TASP1: variants seen among roughly 807,000 people sequenced by gnomAD.
TASP1 encodes the protein threonine aspartase 1.
TASP1 carries 16 observed loss-of-function variants against 56.6 expected under a neutral mutation model. The ratio of observed to expected loss-of-function variants is 0.28; its 90% CI spans 0.19 to 0.43. TASP1 has a LOEUF of 0.43. TASP1 is among the 20% of genes least tolerant of loss of function. TASP1 has a pLI of 1.00. For synonymous variants in TASP1, 179 were observed against 184.2 expected, an observed-to-expected ratio of 0.97 and a Z score of 0.23; for missense variants, 393 against 511.6, an observed-to-expected ratio of 0.77 and a Z score of 2.24.
the TASP1 span, among the ~76,000 whole-genome samples, chr20:13,237,001 C>T: frequency 6.6e-6 from 1 of 152,176 alleles, no homozygotes; most frequent in Non-Finnish European, 1.5e-5. Flanking sequence ...GGACAGTGGC[C>T]CTCTTCTCAC....
chr20:13,364,037 T>A, the TASP1 span, among the ~76,000 whole-genome samples: 4 of 152,168 alleles, frequency 2.6e-5, no homozygotes, highest in African/African-American at 9.6e-5. Flanking sequence ...CAGATAAGGT[T>A]TGGGATATTT....
At chr20:13,542,393 C>A (rs1430946857) in intron 8 of TASP1, among the ~76,000 whole-genome samples, 2 of 152,094 alleles carry the variant, frequency 1.3e-5, no homozygotes, top group African/African-American at 4.8e-5. Context: ...AAAGTAAAAA[C>A]AGAGAAATCA....
the TASP1 span, among the ~76,000 whole-genome samples, chr20:13,254,732 G>C: frequency 6.6e-6 from 1 of 152,324 alleles, no homozygotes; most frequent in Admixed American, 6.5e-5. Context: ...ACACAGGTAA[G>C]GGCCAACACA....
chr20:13,594,962 A>G (rs1601381363), intron 4 of TASP1, among the ~76,000 whole-genome samples: 1 of 152,352 alleles, frequency 6.6e-6, no homozygotes, highest in East Asian at 1.9e-4. Flanking sequence ...AAAAATGTTA[A>G]GGGCAGCCAG....
chr20:13,350,516 C>T, the TASP1 span, among the ~76,000 whole-genome samples: 432 of 152,100 alleles, frequency 2.8e-3, 2 homozygotes, highest in African/African-American at 9.8e-3. Flanking sequence ...ATAATGAGAA[C>T]CATCACAATT....
At position 13,390,844 on chromosome 20, in the gene TASP1, G is replaced by C. The variant is rs1007216543; in HGVS notation, c.1171-392C>G. On this transcript the variant is annotated intron_variant, in intron 13 of 13. Coordinates refer to ENST00000337743, the MANE Select transcript of TASP1 (RefSeq NM_017714.3). Reference sequence around the variant, plus strand: ...TTGTATATGTTTTGTCTTCTAAACAGAGTAACTAAGGATACTTAATTCATG... The same window carrying C: ...TTGTATATGTTTTGTCTTCTAAACACAGTAACTAAGGATACTTAATTCATG... Among the ~76,000 whole-genome samples, 3 of 152,172 alleles carry C rather than the reference G, an allele frequency of 2.0e-5. No individual in the cohort carries two copies. The South Asian group carries it at 6.2e-4, about 31-fold the overall frequency.
chr20:13,454,675 A>G (rs769382312), intron 11 of TASP1, among the ~76,000 whole-genome samples: 22 of 152,140 alleles, frequency 1.4e-4, no homozygotes, highest in Admixed American at 4.6e-4. Context: ...TTGTCATTAC[A>G]TGATATCAAG....
chr20:13,454,913 A>T (rs2043770921), intron 11 of TASP1, among the ~76,000 whole-genome samples: 1 of 152,126 alleles, frequency 6.6e-6, no homozygotes, highest in Admixed American at 6.6e-5. Flanking sequence ...TACTAAATAA[A>T]GCCCTGAAAA....
At chr20:13,629,456 C>T (rs1198355582) in intron 2 of TASP1, among the ~76,000 whole-genome samples, 1 of 150,224 alleles carries the variant, frequency 6.7e-6, no homozygotes, top group African/African-American at 2.4e-5. Flanking sequence ...GGAATCAATA[C>T]AATTTTTTCA....
chr20:13,153,801 T>G, the TASP1 span, among the ~76,000 whole-genome samples: 1 of 152,150 alleles, frequency 6.6e-6, no homozygotes, highest in Non-Finnish European at 1.5e-5. Context: ...TCCACCTCCC[T>G]TCCTGCCTTC....
chr20:13,318,396 G>A, the TASP1 span, among the ~76,000 whole-genome samples: 2 of 152,162 alleles, frequency 1.3e-5, no homozygotes, highest in Non-Finnish European at 2.9e-5. Context: ...AAAATGGCGT[G>A]ACCACTTTGG....
At chr20:13,199,352 C>T in the TASP1 span, among the ~76,000 whole-genome samples, 1 of 151,784 alleles carries the variant, frequency 6.6e-6, no homozygotes, top group South Asian at 2.1e-4. Context: ...TGCCTGTCTT[C>T]CTCCCTTCCT....
the TASP1 span, among the ~76,000 whole-genome samples, chr20:13,285,568 G>T: frequency 4.6e-5 from 7 of 152,274 alleles, no homozygotes; most frequent in African/African-American, 7.2e-5. Context: ...AGAGTTCCCT[G>T]CAGCAAGACG....
At chr20:13,148,429 C>T in the TASP1 span, among the ~76,000 whole-genome samples, 2 of 152,058 alleles carry the variant, frequency 1.3e-5, no homozygotes, top group African/African-American at 2.4e-5. Context: ...GGGGTGGGGT[C>T]GACAGGGAGG....
chr20:13,355,052 T>C, the TASP1 span, among the ~76,000 whole-genome samples: 2 of 151,996 alleles, frequency 1.3e-5, no homozygotes, highest in Non-Finnish European at 2.9e-5. Context: ...TGTTATAATG[T>C]TAGGAAAATA....
intron 11 of TASP1, among the ~76,000 whole-genome samples, chr20:13,437,352 C>T (rs567728059): frequency 3.7e-4 from 56 of 152,232 alleles, no homozygotes; most frequent in African/African-American, 1.1e-3. Flanking sequence ...ATTGATGGGA[C>T]GTATCTCAAA....
Position 13,630,117 on chromosome 20 carries a change from C to G in TASP1, c.-39G>C. The G allele has an allele frequency of 1.3e-6, 2 of 1,588,736 alleles. No individual in the cohort carries two copies. The highest frequency in any genetic ancestry group is 1.7e-6 in the Non-Finnish European group (2 of 1,170,760). On this transcript the variant is annotated 5_prime_UTR_variant, in exon 2 of 14. Transcript: ENST00000337743. ...CATCTTCTACTGAGAAAGGGGCATA[C>G]TTCCATCCAAAAGTAATTGCAGGAG... is the stretch of plus-strand genomic sequence containing the variant.
At chr20:13,553,960 T>A (rs79024311) in intron 8 of TASP1, among the ~76,000 whole-genome samples, 2,563 of 152,288 alleles carry the variant, frequency 0.017, 69 homozygotes, top group African/African-American at 0.056. Context: ...GCCATGTGAC[T>A]GAATTGTGCC....
At chr20:13,489,522 A>T (rs974626480) in intron 10 of TASP1, among the ~76,000 whole-genome samples, 14 of 138,770 alleles carry the variant, frequency 1.0e-4, no homozygotes, top group East Asian at 2.3e-4. Context: ...GGGAAAAATT[A>T]AAAAAAAAGA....
Sources: gnomAD v4.1 joint callset for allele counts (sites outside exome capture counted in the v4.1 genomes callset) on GRCh38, gnomAD v4.1.1 for gene constraint, MANE v1.5 for transcripts, NCBI Gene and HGNC (gene_info 2026-07-23, HGNC 2026-07-21) for gene names.